Variants in OR51B5 observed in about 807,000 individuals in gnomAD.
OR51B5 encodes olfactory receptor 51B5.
For missense variants in OR51B5, 456 were observed against 374.6 expected, an observed-to-expected ratio of 1.22 and a Z score of -1.79; for synonymous variants, 186 against 144.8, an observed-to-expected ratio of 1.28 and a Z score of -2.04.
chr11:5,423,226 A>T (rs1850385346), intron 1 of OR51B5: 2 of 1,432,938 alleles, frequency 1.4e-6, no homozygotes, highest in South Asian at 3.0e-5. Flanking sequence ...CAGAATTAGG[A>T]AACTATAAAA....
Position 5,440,871 on chromosome 11 carries a change from A to G in OR51B5, n.84+64698T>C, listed in dbSNP as rs372200797. 5.0e-6 allele frequency: 8 copies of G among 1,613,724 alleles called. No homozygotes were observed. In the African/African-American group the frequency reaches 1.1e-4, roughly 22 times the overall value. On this transcript the variant is annotated intron_variant and non_coding_transcript_variant, in intron 1 of 4. Transcript: ENST00000415970. ...GATCAATGCGTAGGAAAGCAGGATG[A>G]AAGTTGAGTCCATACCATAGGTAAA... is the stretch of plus-strand genomic sequence containing the variant.
intron 1 of OR51B5, among the ~76,000 whole-genome samples, chr11:5,416,914 T>A (rs1203504663): frequency 6.6e-6 from 1 of 151,478 alleles, no homozygotes; most frequent in Non-Finnish European, 1.5e-5. Context: ...CTTCACAGAA[T>A]TGGAAAAAAC....
At chr11:5,475,942 A>G (rs1485936194) in intron 1 of OR51B5, among the ~76,000 whole-genome samples, 1 of 152,220 alleles carries the variant, frequency 6.6e-6, no homozygotes, top group Non-Finnish European at 1.5e-5. Context: ...GCCTCACAGT[A>G]CCATCTTGTA....
At position 5,464,332 on chromosome 11, in the gene OR51B5, C is replaced by T. The variant is rs577123477; in HGVS notation, n.84+41237G>A. On this transcript the variant is annotated intron_variant and non_coding_transcript_variant, in intron 1 of 4. Coordinates refer to the OR51B5 transcript ENST00000415970. ...CTTTAAGTTTTAGGGTACATGTGCA[C>T]GTTGTGCAGGTTAGTTACATATGTA... is the stretch of plus-strand genomic sequence containing the variant. 1.8e-4 allele frequency among the ~76,000 whole-genome samples: 28 copies of T among 152,208 alleles called. No homozygotes were observed. The South Asian group carries it at 5.0e-3, about 27-fold the overall frequency.
intron 1 of OR51B5, chr11:5,441,333 A>G: frequency 6.2e-7 from 1 of 1,613,988 alleles, no homozygotes; most frequent in Non-Finnish European, 8.5e-7. Context: ...GAAGTAGTAC[A>G]TGGGCTGATG....
chr11:5,348,085 G>C (rs1452743786), upstream of OR51B5, among the ~76,000 whole-genome samples: 8 of 152,024 alleles, frequency 5.3e-5, no homozygotes, highest in Non-Finnish European at 4.4e-5. Flanking sequence ...TGATTTCTTA[G>C]CAAGAGAAAA....
chr11:5,505,322 CCAGT>C, intron 1 of OR51B5: 2 of 1,303,122 alleles, frequency 1.5e-6, no homozygotes, highest in Non-Finnish European at 2.0e-6. Flanking sequence ...TATATCTTCC[CCAGT>C]CAGAGGCAGA....
At chr11:5,487,826 T>A (rs114302667) in intron 1 of OR51B5, among the ~76,000 whole-genome samples, 1 of 152,164 alleles carries the variant, frequency 6.6e-6, no homozygotes, top group Non-Finnish European at 1.5e-5. Flanking sequence ...GAGTGCAGTA[T>A]CCTCAACAAG....
intron 1 of OR51B5, among the ~76,000 whole-genome samples, chr11:5,352,932 C>A (rs916532503): frequency 4.7e-5 from 7 of 148,468 alleles, no homozygotes; most frequent in Non-Finnish European, 8.9e-5. Context: ...ATATATAATT[C>A]TTGGGTCTAT....
intron 1 of OR51B5, among the ~76,000 whole-genome samples, chr11:5,472,775 C>A (rs554135570): frequency 1.5e-4 from 23 of 152,292 alleles, no homozygotes; most frequent in African/African-American, 5.1e-4. Flanking sequence ...TGAACTGAAT[C>A]CTAGACCACT....
In OR51B5 at chr11:5,389,325, T is replaced by C. The variant is rs941317297; in HGVS notation, n.85-42415A>G. 1.1e-5 allele frequency: 15 copies of C among 1,383,946 alleles called. No individual in the cohort carries two copies. In the East Asian group the frequency reaches 2.1e-4, roughly 19 times the overall value. 85.7% of individuals were successfully genotyped at this position (1,383,946 alleles called of 1,614,324 possible). On this transcript the variant is annotated intron_variant and non_coding_transcript_variant, in intron 1 of 4. Transcript: ENST00000415970. ...ATGATGACCATGGTACTGCTTGTGA[T>C]GTTGTGAATGTTAGTGAAGCTGAAG...
At chr11:5,485,731 A>C (rs937569202) in intron 1 of OR51B5, among the ~76,000 whole-genome samples, 3 of 152,120 alleles carry the variant, frequency 2.0e-5, no homozygotes, top group Non-Finnish European at 4.4e-5. Context: ...TGAGATCTGC[A>C]TGGCTAGCTC....
intron 1 of OR51B5, among the ~76,000 whole-genome samples, chr11:5,462,833 T>C (rs577968732): frequency 1.3e-5 from 2 of 152,322 alleles, no homozygotes; most frequent in African/African-American, 4.8e-5. Context: ...TCCAGACAAC[T>C]GAGGAGAGCA....
chr11:5,485,120 C>T (rs554134119), intron 1 of OR51B5, among the ~76,000 whole-genome samples: 35 of 152,266 alleles, frequency 2.3e-4, no homozygotes, highest in African/African-American at 7.5e-4. Flanking sequence ...CATAGCACCC[C>T]TCCACCAAAG....
At chr11:5,415,385 C>T (rs923661106) in intron 1 of OR51B5, among the ~76,000 whole-genome samples, 2 of 151,144 alleles carry the variant, frequency 1.3e-5, no homozygotes, top group Admixed American at 6.6e-5. Flanking sequence ...CAAGAGCAAA[C>T]ATATTCAAAA....
chr11:5,340,466 AG>A (rs1228400838), downstream of OR51B5: 2 of 151,858 alleles, frequency 1.3e-5, no homozygotes, highest in African/African-American at 4.8e-5. Flanking sequence ...CTACAACAAA[AG>A]CATTACTCTT....
At chr11:5,484,695 T>G (rs1851475732) in intron 1 of OR51B5, among the ~76,000 whole-genome samples, 1 of 152,200 alleles carries the variant, frequency 6.6e-6, no homozygotes, top group Admixed American at 6.5e-5. Context: ...GGTTTACCAA[T>G]GGGAGAGGTT....
intron 1 of OR51B5, among the ~76,000 whole-genome samples, chr11:5,445,316 A>G (rs1286507221): frequency 6.6e-6 from 1 of 152,186 alleles, no homozygotes; most frequent in African/African-American, 2.4e-5. Context: ...AAAATATCCA[A>G]CAAATTCAGA....
chr11:5,382,419 G>A (rs1294638617), intron 1 of OR51B5, among the ~76,000 whole-genome samples: 1 of 152,070 alleles, frequency 6.6e-6, no homozygotes, highest in Non-Finnish European at 1.5e-5. Context: ...TAATTGCCAT[G>A]TCCATCTCTT....
Sources: gnomAD v4.1 joint callset for allele counts (sites outside exome capture counted in the v4.1 genomes callset) on GRCh38, gnomAD v4.1.1 for gene constraint, MANE v1.5 for transcripts, NCBI Gene and HGNC (gene_info 2026-07-23, HGNC 2026-07-21) for gene names.